The following TLR7 variants were observed in gnomAD, a reference collection of about 807,000 sequenced individuals.
The protein encoded by TLR7 is toll like receptor 7, also known as toll-like receptor 7.
TLR7 carries 12 observed loss-of-function variants against 38.3 expected under a neutral mutation model. The ratio of observed to expected loss-of-function variants is 0.31; its 90% CI spans 0.20 to 0.51. The LOEUF (loss-of-function observed/expected upper bound fraction) is 0.51, where lower values mean the gene tolerates loss of function less well. TLR7 is among the 20% of genes least tolerant of loss of function. The probability of loss-of-function intolerance (pLI) is 0.98; values close to 1 mark genes in which losing one functional copy is unlikely to be tolerated. For missense variants in TLR7, 504 were observed against 743.4 expected (o/e 0.68, Z 3.74); for synonymous variants, 285 against 293.8 (o/e 0.97, Z 0.31).
rs200661477 is a variant in TLR7, at chrX:12,886,330, A to G, written c.822A>G (p.Lys274=). 1 of 1,211,943 alleles carries G rather than the reference A, an allele frequency of 8.3e-7. No homozygotes were observed. Among genetic ancestry groups the G allele is most frequent in the Non-Finnish European group, 1.1e-6 (1 of 895,550 alleles). ...YNAPFPCAPC[K]NNSPLQIPVN... is the part of the protein sequence containing the mutation. ...CCCCATTTCCTTGTGCGCCGTGTAAAAATAATTCTCCCCTACAGATCCCTG... is the reference window on the plus strand; with the variant it reads ...CCCCATTTCCTTGTGCGCCGTGTAAGAATAATTCTCCCCTACAGATCCCTG... Residue 274 remains lysine (K), a synonymous_variant, in exon 3 of 3, where the codon AAA becomes AAG. Coordinates refer to ENST00000380659, the MANE Select transcript of TLR7 (RefSeq NM_016562.4).
rs1256137394 is a variant in TLR7 at position 12,888,004 on chromosome X, C to T, written c.2496C>T (p.Thr832=). ...GTGTGATCTCCCTGGATCTGTACAC[C>T]TGTGAGTTAGATCTGACTAACCTGA... is the stretch of plus-strand genomic sequence containing the variant. ...GQSVISLDLY[T]CELDLTNLIL... The change falls in exon 3 of 3, where the codon ACC becomes ACT. Residue 832 remains threonine, a synonymous_variant. Transcript: ENST00000380659. 4.1e-6 allele frequency: 5 copies of T among 1,209,519 alleles called. No homozygotes were observed. Among genetic ancestry groups the T allele is most frequent in the Non-Finnish European group, 5.6e-6 (5 of 894,771 alleles).
chrX:12,885,460 C>T, intron 2 of TLR7, 52 bp from the exon 3 acceptor site: 1 of 1,065,532 alleles, frequency 9.4e-7, no homozygotes, highest in Non-Finnish European at 1.3e-6. Context: ...ATTTTTAATT[C>T]TGATTCTTGG....
At chrX:12,876,303 T>C (rs1439819400) in intron 2 of TLR7, among the ~76,000 whole-genome samples, 1 of 111,847 alleles carries the variant, frequency 8.9e-6, no homozygotes, top group Admixed American at 9.5e-5. Flanking sequence ...AACAAACCAA[T>C]TTCTCTATGC....
chrX:12,874,482 G>A (rs2042864011), intron 2 of TLR7, among the ~76,000 whole-genome samples: 1 of 111,663 alleles, frequency 9.0e-6, no homozygotes, highest in Admixed American at 9.5e-5. Flanking sequence ...GCAGCAGCCT[G>A]AGGTTCCAGG....
At position 12,884,257 on chromosome X, in the gene TLR7, G is replaced by A. The variant is rs968021016; in HGVS notation, c.4-1255G>A. Among the ~76,000 whole-genome samples, 4 of 112,083 alleles carry A rather than the reference G, an allele frequency of 3.6e-5. No individual in the cohort carries two copies. The South Asian group carries it at 1.5e-3, about 41-fold the overall frequency. On this transcript the variant is annotated intron_variant, in intron 2 of 2. Coordinates refer to ENST00000380659, the MANE Select transcript of TLR7 (RefSeq NM_016562.4). ...GTCCTCCCAAAGCGTTGGTATTAGAGGCATGAGCCACCACATCTGGTGGAA... is the reference window on the plus strand; with the variant it reads ...GTCCTCCCAAAGCGTTGGTATTAGAAGCATGAGCCACCACATCTGGTGGAA...
chrX:12,884,459 G>A (rs764973144), intron 2 of TLR7, among the ~76,000 whole-genome samples: 8 of 112,208 alleles, frequency 7.1e-5, no homozygotes, highest in Middle Eastern at 4.7e-3. Flanking sequence ...CCTGAAACTT[G>A]AGAGCCAGTC....
chrX:12,868,015 G>A (rs940285922), intron 2 of TLR7, among the ~76,000 whole-genome samples: 1 of 112,225 alleles, frequency 8.9e-6, no homozygotes, highest in Non-Finnish European at 1.9e-5. Flanking sequence ...GAAATCCCCG[G>A]GCTTGAGTGC....
chrX:12,873,014 G>A (rs1282469788), intron 2 of TLR7, among the ~76,000 whole-genome samples: 3 of 110,861 alleles, frequency 2.7e-5, no homozygotes, highest in African/African-American at 9.9e-5. Flanking sequence ...AACATGCTCA[G>A]GGACACTCCC....
chrX:12,868,168 TG>T (rs2042840318), intron 2 of TLR7, among the ~76,000 whole-genome samples: 3 of 110,155 alleles, frequency 2.7e-5, no homozygotes, highest in South Asian at 7.8e-4. Context: ...AGGAGTAGAG[TG>T]GGGGTCAGTG....
intron 2 of TLR7, among the ~76,000 whole-genome samples, chrX:12,875,956 A>ATT (rs60411052): frequency 2.1e-5 from 2 of 96,044 alleles, no homozygotes; most frequent in Non-Finnish European, 4.2e-5. Context: ...TAAACACACC[A>ATT]TTTTTTTTTT....
rs769698470 is a variant in TLR7 at position 12,885,790 on chromosome X, C to T, written c.282C>T (p.Ile94=). The change falls in exon 3 of 3, where the codon ATC becomes ATT. Residue 94 remains isoleucine (I), a synonymous_variant. Coordinates refer to ENST00000380659, the MANE Select transcript of TLR7 (RefSeq NM_016562.4). The part of the protein sequence containing the change: ...SFHRLDHLVE[I]DFRCNCVPIP... ...ACAGACTGGACCATCTGGTAGAGAT[C>T]GATTTCAGATGCAACTGTGTACCTA... 29 of 1,210,279 alleles carry T rather than the reference C, an allele frequency of 2.4e-5. No homozygotes were observed. The South Asian group carries it at 3.9e-4, about 16-fold the overall frequency.
intron 2 of TLR7, among the ~76,000 whole-genome samples, chrX:12,881,571 TAATA>T (rs747722721): frequency 1.5e-4 from 16 of 104,523 alleles, no homozygotes; most frequent in Non-Finnish European, 2.4e-4. Flanking sequence ...TTTTAATAAA[TAATA>T]AATAACTGAG....
At chrX:12,872,818 T>C (rs1451276223) in intron 2 of TLR7, among the ~76,000 whole-genome samples, 4 of 108,972 alleles carry the variant, frequency 3.7e-5, no homozygotes, top group African/African-American at 1.0e-4. Flanking sequence ...TGAATGACTG[T>C]AATAGCCTCT....
chrX:12,883,506 A>G (rs927518419), intron 2 of TLR7, among the ~76,000 whole-genome samples: 1 of 111,945 alleles, frequency 8.9e-6, no homozygotes, highest in Non-Finnish European at 1.9e-5. Context: ...GCTTCAGCTC[A>G]TACTGTAAAA....
intron 2 of TLR7, among the ~76,000 whole-genome samples, chrX:12,880,565 A>G (rs904202362): frequency 8.0e-5 from 9 of 112,182 alleles, no homozygotes; most frequent in African/African-American, 2.9e-4. Context: ...GAAGAGACAG[A>G]AATCTGACCT....
intron 2 of TLR7, among the ~76,000 whole-genome samples, chrX:12,879,500 A>G (rs767899579): frequency 8.9e-6 from 1 of 111,933 alleles, no homozygotes; most frequent in Admixed American, 9.5e-5. Flanking sequence ...CTGCTCTCTG[A>G]GGTCATATAA....
Position 12,885,690 on chromosome X carries a change from G to A in TLR7, c.182G>A (p.Gly61Glu), listed in dbSNP as rs755519400. 3.3e-6 allele frequency: 4 copies of A among 1,211,509 alleles called. No homozygotes were observed. Among genetic ancestry groups the A allele is most frequent in the Non-Finnish European group, 3.4e-6 (3 of 895,438 alleles). ...CTDKHLTEIPGGIPTNTTNLT... is the reference protein window; with the variant it reads ...CTDKHLTEIPEGIPTNTTNLT... ...GACAAGCATTTGACAGAAATTCCTGGAGGTATTCCCACGAACACCACGAAC... is the reference window on the plus strand; with the variant it reads ...GACAAGCATTTGACAGAAATTCCTGAAGGTATTCCCACGAACACCACGAAC... The change falls in exon 3 of 3, where the codon GGA (glycine) becomes GAA (glutamate). Residue 61 changes from glycine to glutamate, a missense_variant. Physicochemically the swap from Gly to Glu is moderately conservative, Grantham distance 98 (BLOSUM62 -2). Coordinates refer to ENST00000380659, the MANE Select transcript of TLR7 (RefSeq NM_016562.4).
chrX:12,886,631 C>T lies in TLR7; in HGVS notation c.1123C>T (p.Leu375=). The T allele has an allele frequency of 8.3e-7, 1 of 1,211,933 alleles. No homozygotes were observed. Among genetic ancestry groups the T allele is most frequent in the Non-Finnish European group, 1.1e-6 (1 of 895,471 alleles). ...AFSSLKSLKI[L]RIRGYVFKEL... Reference sequence around the variant, plus strand: ...TTCTTCACTGAAAAGCCTGAAAATTCTGCGGATCAGAGGATATGTCTTTAA... The same window carrying T: ...TTCTTCACTGAAAAGCCTGAAAATTTTGCGGATCAGAGGATATGTCTTTAA... Residue 375 remains leucine (L), a synonymous_variant, in exon 3 of 3, where the codon CTG becomes TTG. Coordinates refer to ENST00000380659, the MANE Select transcript of TLR7 (RefSeq NM_016562.4).
intron 2 of TLR7, among the ~76,000 whole-genome samples, chrX:12,869,793 T>C (rs2042846114): frequency 1.2e-5 from 1 of 82,204 alleles, no homozygotes; most frequent in Non-Finnish European, 2.2e-5. Flanking sequence ...ATCGTGGACA[T>C]GGAAAACTAT....
Sources: allele counts gnomAD v4.1 joint callset (sites outside exome capture counted in the v4.1 genomes callset), GRCh38; gene constraint gnomAD v4.1.1; transcripts MANE v1.5; gene names NCBI Gene and HGNC (gene_info 2026-07-23, HGNC 2026-07-21).